MYO3A: variants seen among roughly 807,000 people sequenced by gnomAD.
The protein encoded by MYO3A is myosin-IIIa.
A neutral mutation model predicts 192.7 loss-of-function variants in MYO3A; 180 were observed. The observed-to-expected ratio is 0.93, with a 90% CI of 0.83 to 1.06. The LOEUF is 1.06. Among genes scored for constraint, MYO3A ranks in the 50% least tolerant of loss-of-function variants. The pLI, the probability that MYO3A is intolerant of heterozygous loss-of-function variation, is 0.00. For synonymous variants in MYO3A, 628 were observed against 645.3 expected, an observed-to-expected ratio of 0.97 and a Z score of 0.41; for missense variants, 1,896 against 1,905.0, an observed-to-expected ratio of 1.00 and a Z score of 0.09.
intron 10 of MYO3A, among the ~76,000 whole-genome samples, chr10:26,060,336 C>T (rs1172575873): frequency 2.6e-5 from 4 of 151,718 alleles, no homozygotes; most frequent in African/African-American, 7.3e-5. Context: ...GGCATGGTGG[C>T]GGGTGCCTGT....
chr10:25,948,526 T>C (rs1837007484), intron 2 of MYO3A, among the ~76,000 whole-genome samples: 1 of 152,130 alleles, frequency 6.6e-6, no homozygotes, highest in Admixed American at 6.5e-5. Flanking sequence ...AGAACTTATT[T>C]ATATGTTTTA....
intron 17 of MYO3A, among the ~76,000 whole-genome samples, chr10:26,105,042 C>G (rs1837713676): frequency 6.6e-6 from 1 of 152,092 alleles, no homozygotes; most frequent in South Asian, 2.1e-4. Context: ...AAATATATCA[C>G]TGAATCACCC....
chr10:26,057,348 G>C (rs1386392763), intron 10 of MYO3A, among the ~76,000 whole-genome samples: 1 of 152,136 alleles, frequency 6.6e-6, no homozygotes, highest in Non-Finnish European at 1.5e-5. Context: ...CACAGATAAA[G>C]AATCAATAGA....
intron 4 of MYO3A, among the ~76,000 whole-genome samples, chr10:25,964,292 A>G (rs1336375290): frequency 6.6e-6 from 1 of 152,202 alleles, no homozygotes; most frequent in Non-Finnish European, 1.5e-5. Context: ...AGGAATGTGA[A>G]AATTTTACAC....
At position 25,977,113 on chromosome 10, in the gene MYO3A, G is replaced by A. The variant is rs541698486; in HGVS notation, c.304-19377G>A. 2.6e-5 allele frequency among the ~76,000 whole-genome samples: 4 copies of A among 152,254 alleles called. No homozygotes were observed. In the South Asian group the frequency reaches 8.3e-4, roughly 32 times the overall value. On this transcript the variant is annotated intron_variant, in intron 4 of 34. Coordinates refer to ENST00000642920, the MANE Select transcript of MYO3A (RefSeq NM_017433.5). The stretch of plus-strand genomic sequence containing the variant: ...TGAAATTTCACTAATTCTAAATGAA[G>A]AATTAGAGAGTTCATGGTATGTTCA...
intron 34 of MYO3A, chr10:26,204,147 G>T (rs1843799881): frequency 6.6e-6 from 1 of 152,050 alleles, no homozygotes. Context: ...TTCCATCTTG[G>T]GATCCAGCAC....
intron 20 of MYO3A, among the ~76,000 whole-genome samples, chr10:26,139,331 C>T (rs1840024111): frequency 9.1e-6 from 1 of 109,918 alleles, no homozygotes; most frequent in African/African-American, 3.1e-5. Context: ...ACCTCCACCT[C>T]CTGGGTTCAA....
intron 31 of MYO3A, among the ~76,000 whole-genome samples, chr10:26,190,149 C>T (rs115126683): frequency 6.6e-6 from 1 of 152,280 alleles, no homozygotes; most frequent in African/African-American, 2.4e-5. Context: ...TATTAAGACT[C>T]TACCACAGTT....
chr10:26,073,994 A>C (rs1172293471), intron 14 of MYO3A, among the ~76,000 whole-genome samples: 1 of 152,170 alleles, frequency 6.6e-6, no homozygotes, highest in Non-Finnish European at 1.5e-5. Flanking sequence ...AATTGTTTTC[A>C]AAAAAGGAAG....
chr10:26,162,090 G>C (rs1470395117), intron 26 of MYO3A, among the ~76,000 whole-genome samples: 1 of 152,226 alleles, frequency 6.6e-6, no homozygotes, highest in East Asian at 1.9e-4. Flanking sequence ...TGTAAAGTCA[G>C]CTGCAGGCAG....
intron 17 of MYO3A, among the ~76,000 whole-genome samples, chr10:26,106,102 T>TTATAA (rs1837783205): frequency 6.6e-6 from 1 of 152,128 alleles, no homozygotes; most frequent in Admixed American, 6.5e-5. Context: ...CCTTAGCTAT[T>TTATAA]GTTTAGCATT....
chr10:26,096,295 T>C, intron 15 of MYO3A, 86 bp from the exon 16 acceptor site: 1 of 1,005,228 alleles, frequency 9.9e-7, no homozygotes, highest in Non-Finnish European at 1.5e-6. Context: ...GCACTCACAG[T>C]CGTTGTTCAA....
chr10:25,942,280 G>A (rs745338958), intron 2 of MYO3A, among the ~76,000 whole-genome samples: 1 of 152,174 alleles, frequency 6.6e-6, no homozygotes, highest in Non-Finnish European at 1.5e-5. Flanking sequence ...GGGATTACAG[G>A]CATGAACCAC....
intron 14 of MYO3A, 76 bp downstream of exon 14, chr10:26,070,477 A>AG: frequency 2.4e-6 from 3 of 1,242,090 alleles, no homozygotes; most frequent in Non-Finnish European, 3.5e-6. Context: ...GATTAGATTA[A>AG]TATTCTCTAG....
chr10:26,193,076 C>T lies in MYO3A; in HGVS notation c.4439-129C>T, dbSNP rs562769815. The T allele has an allele frequency of 1.4e-4, 109 of 775,440 alleles. 1 individual carries two copies. In the East Asian group the frequency reaches 2.6e-3, roughly 18 times the overall value. 48.0% of individuals were successfully genotyped at this position (775,440 alleles called of 1,614,324 possible). On this transcript the variant is annotated intron_variant, in intron 31 of 34. Coordinates refer to ENST00000642920, the MANE Select transcript of MYO3A (RefSeq NM_017433.5). ...GGATAAGGGTTGGTTATGCAGCAAA[C>T]GTATTTCCTTTTTCTCCAGCCTTAG...
chr10:26,000,614 T>A (rs1047685545), intron 6 of MYO3A, among the ~76,000 whole-genome samples: 11 of 152,260 alleles, frequency 7.2e-5, no homozygotes, highest in African/African-American at 2.6e-4. Context: ...CACAGGGTTT[T>A]TTTTTATAAG....
At chr10:26,198,768 C>G (rs1843538467) in intron 32 of MYO3A, among the ~76,000 whole-genome samples, 1 of 152,158 alleles carries the variant, frequency 6.6e-6, no homozygotes, top group Non-Finnish European at 1.5e-5. Flanking sequence ...TTAAAGGCCT[C>G]CTCAAGAAAC....
chr10:26,001,854 A>G (rs1471797514), intron 6 of MYO3A, among the ~76,000 whole-genome samples: 2 of 152,148 alleles, frequency 1.3e-5, no homozygotes. Flanking sequence ...AAGCTTGGTC[A>G]CATGTACCTG....
chr10:26,210,115 A>C (rs1300508075), intron 34 of MYO3A, among the ~76,000 whole-genome samples: 2 of 108,632 alleles, frequency 1.8e-5, no homozygotes, highest in South Asian at 3.8e-4. Flanking sequence ...AGAGAGAGAG[A>C]AGGGAGGGAG....
Sources: gnomAD v4.1 joint callset for allele counts (sites outside exome capture counted in the v4.1 genomes callset) on GRCh38, gnomAD v4.1.1 for gene constraint, MANE v1.5 for transcripts, NCBI Gene and HGNC (gene_info 2026-07-23, HGNC 2026-07-21) for gene names.